The following GAS2 variants were observed in gnomAD, a reference collection of about 807,000 sequenced individuals.
GAS2 encodes the protein growth arrest-specific protein 2.
GAS2 carries 20 observed loss-of-function variants against 37.5 expected under a neutral mutation model. That is an observed-to-expected ratio of 0.53 (90% confidence interval 0.37 to 0.77). The LOEUF (loss-of-function observed/expected upper bound fraction) is 0.77. Among genes scored for constraint, GAS2 ranks in the 30% least tolerant of loss-of-function variants. GAS2 has a pLI of 0.00. For missense variants in GAS2, 336 were observed against 373.4 expected (o/e 0.90, Z 0.82); for synonymous variants, 144 against 132.2 (o/e 1.09, Z -0.61).
At chr11:22,648,402 T>A in intron 1 of GAS2, among the ~76,000 whole-genome samples, 1 of 152,222 alleles carries the variant, frequency 6.6e-6, no homozygotes, top group Non-Finnish European at 1.5e-5. Flanking sequence ...GACTTGGTGA[T>A]GCGGGCTCTT....
intron 7 of GAS2, among the ~76,000 whole-genome samples, chr11:22,770,165 G>A (rs1390903748): frequency 6.6e-6 from 1 of 152,132 alleles, no homozygotes; most frequent in Non-Finnish European, 1.5e-5. Flanking sequence ...GAGGTGAGGT[G>A]AGGAAGAGCA....
chr11:22,758,379 T>C (rs544431603), intron 7 of GAS2, among the ~76,000 whole-genome samples: 143 of 152,354 alleles, frequency 9.4e-4, no homozygotes, highest in Admixed American at 3.4e-3. Flanking sequence ...TCATATTTAC[T>C]GACAGTATTT....
intron 2 of GAS2, among the ~76,000 whole-genome samples, chr11:22,684,147 A>G (rs1308006270): frequency 6.6e-6 from 1 of 152,228 alleles, no homozygotes; most frequent in East Asian, 1.9e-4. Context: ...GGCAGCCTAT[A>G]GATAGATCAC....
intron 7 of GAS2, among the ~76,000 whole-genome samples, chr11:22,766,352 C>T (rs1456007636): frequency 6.6e-6 from 1 of 151,704 alleles, no homozygotes; most frequent in Non-Finnish European, 1.5e-5. Context: ...TCAGAGATTA[C>T]ACAGTAAGTG....
At chr11:22,711,415 C>A (rs576304674) in intron 3 of GAS2, among the ~76,000 whole-genome samples, 1 of 152,148 alleles carries the variant, frequency 6.6e-6, no homozygotes, top group Non-Finnish European at 1.5e-5. Flanking sequence ...GGGAGGTGCA[C>A]AGGGTGAGGT....
chr11:22,779,809 AT>A (rs544409549), intron 7 of GAS2, among the ~76,000 whole-genome samples: 2 of 152,022 alleles, frequency 1.3e-5, no homozygotes, highest in Admixed American at 1.3e-4. Flanking sequence ...TCTCATTTTA[AT>A]TTTTTTTAGT....
At chr11:22,698,260 A>G (rs1850643278) in intron 3 of GAS2, among the ~76,000 whole-genome samples, 1 of 152,216 alleles carries the variant, frequency 6.6e-6, no homozygotes, top group Non-Finnish European at 1.5e-5. Context: ...AATAAACTAG[A>G]AAATCTTGAA....
intron 4 of GAS2, among the ~76,000 whole-genome samples, chr11:22,736,848 G>A (rs1852783047): frequency 6.6e-6 from 1 of 151,682 alleles, no homozygotes; most frequent in Non-Finnish European, 1.5e-5. Context: ...TCTTTATTCA[G>A]TGCTGAATAA....
chr11:22,676,391 T>G (rs1299920351), intron 2 of GAS2, among the ~76,000 whole-genome samples: 1 of 152,158 alleles, frequency 6.6e-6, no homozygotes, highest in Non-Finnish European at 1.5e-5. Context: ...AGCTATCAGT[T>G]TTCAGATATA....
intron 1 of GAS2, among the ~76,000 whole-genome samples, chr11:22,648,817 C>A (rs1364747991): frequency 6.6e-6 from 1 of 150,406 alleles, no homozygotes; most frequent in African/African-American, 2.4e-5. Flanking sequence ...GCTTAAGGAG[C>A]TGAGATAATG....
chr11:22,713,366 T>C (rs1033771696), intron 3 of GAS2, among the ~76,000 whole-genome samples: 1 of 151,776 alleles, frequency 6.6e-6, no homozygotes. Flanking sequence ...TTATGTTAAA[T>C]GACCAAACAT....
intron 7 of GAS2, among the ~76,000 whole-genome samples, chr11:22,782,251 G>A (rs1855588086): frequency 6.6e-6 from 1 of 152,106 alleles, no homozygotes; most frequent in Non-Finnish European, 1.5e-5. Context: ...GAGCTAGAGA[G>A]GACAGCCTCT....
At chr11:22,718,659 T>C (rs1851802774) in intron 3 of GAS2, among the ~76,000 whole-genome samples, 1 of 151,806 alleles carries the variant, frequency 6.6e-6, no homozygotes, top group Non-Finnish European at 1.5e-5. Flanking sequence ...CCAAAACTAT[T>C]GAAATAATAA....
intron 3 of GAS2, among the ~76,000 whole-genome samples, chr11:22,693,003 C>T (rs1367873569): frequency 6.6e-6 from 1 of 152,088 alleles, no homozygotes; most frequent in Non-Finnish European, 1.5e-5. Context: ...CCCCTTTCTG[C>T]ATTTTCATGA....
intron 2 of GAS2, among the ~76,000 whole-genome samples, chr11:22,679,659 C>G (rs545448979): frequency 1.3e-5 from 2 of 152,086 alleles, no homozygotes; most frequent in South Asian, 4.1e-4. Context: ...AAAATGATGG[C>G]TTACCTTTAT....
At chr11:22,745,462 C>T (rs1350495035) in intron 5 of GAS2, among the ~76,000 whole-genome samples, 1 of 151,954 alleles carries the variant, frequency 6.6e-6, no homozygotes, top group Non-Finnish European at 1.5e-5. Context: ...AAAATTAGCT[C>T]AAGATACATT....
chr11:22,686,657 G>A (rs897761502), intron 3 of GAS2, among the ~76,000 whole-genome samples: 8 of 148,708 alleles, frequency 5.4e-5, no homozygotes, highest in Admixed American at 2.0e-4. Context: ...GGCTGAGGCG[G>A]GAGAATCGCT....
chr11:22,800,095 G>T (rs4923028), intron 7 of GAS2, among the ~76,000 whole-genome samples: 1 of 152,096 alleles, frequency 6.6e-6, no homozygotes, highest in East Asian at 1.9e-4. Context: ...GTATAGTACA[G>T]TTGTGCAGTG....
chr11:22,757,876 A>G, intron 7 of GAS2, among the ~76,000 whole-genome samples: 1 of 148,120 alleles, frequency 6.8e-6, no homozygotes, highest in Non-Finnish European at 1.5e-5. Flanking sequence ...TATGATTCTA[A>G]AAAAGGCTCC....
Sources: gnomAD v4.1 joint callset for allele counts (sites outside exome capture counted in the v4.1 genomes callset) on GRCh38, gnomAD v4.1.1 for gene constraint, MANE v1.5 for transcripts, NCBI Gene and HGNC (gene_info 2026-07-23, HGNC 2026-07-21) for gene names.